The following SPC25 variants were observed in gnomAD, a reference collection of about 807,000 sequenced individuals.
The protein encoded by SPC25 is SPC25 component of NDC80 kinetochore complex.
In SPC25, 22 loss-of-function variants were observed where a neutral mutation model predicts 29.6. The observed-to-expected ratio is 0.74, with a 90% CI of 0.53 to 1.06. The LOEUF (loss-of-function observed/expected upper bound fraction) is 1.06, where lower values mean the gene tolerates loss of function less well. SPC25 is among the 50% of genes least tolerant of loss of function. The pLI, the probability that SPC25 is intolerant of heterozygous loss-of-function variation, is 0.00. For missense variants in SPC25, 230 were observed against 255.8 expected, an observed-to-expected ratio of 0.90 and a Z score of 0.69; for synonymous variants, 91 against 90.4, an observed-to-expected ratio of 1.01 and a Z score of -0.04.
At chr2:168,887,316 G>A (rs796853299) in intron 3 of SPC25, among the ~76,000 whole-genome samples, 4 of 152,126 alleles carry the variant, frequency 2.6e-5, no homozygotes, top group African/African-American at 9.6e-5. Context: ...CAGCTACTTG[G>A]GAGGCTGAGG....
At chr2:168,868,100 G>A (rs1689902491), downstream of SPC25, among the ~76,000 whole-genome samples, 1 of 152,160 alleles carries the variant, frequency 6.6e-6, no homozygotes, top group Non-Finnish European at 1.5e-5. Flanking sequence ...GCTCCTGAAT[G>A]ACTACTGGGT....
rs117669319 is a variant in SPC25 at position 168,873,439 on chromosome 2, G to A, written c.550+146C>T. On this transcript the variant is annotated intron_variant, in intron 6 of 6. Coordinates refer to ENST00000282074, the MANE Select transcript of SPC25 (RefSeq NM_020675.4). The stretch of plus-strand genomic sequence containing the variant: ...ATCAAGACTATATTCACTTCCTTTA[G>A]AAGACTATACTCCAAGAAGCAAGAC... 1.3e-3 allele frequency: 708 copies of A among 557,744 alleles called. 17 individuals are homozygous for A. The East Asian group carries it at 0.02, about 15-fold the overall frequency. The allele number at this position is 557,744 out of a possible 1,614,324, so 34.5% of individuals were successfully genotyped here.
At chr2:168,882,459 G>A (rs1411345273) in intron 3 of SPC25, among the ~76,000 whole-genome samples, 2 of 152,224 alleles carry the variant, frequency 1.3e-5, no homozygotes, top group Non-Finnish European at 2.9e-5. Flanking sequence ...ACAAAAATGA[G>A]CTGGGCGTGG....
In SPC25 at chr2:168,871,469, T is replaced by A; in HGVS notation, c.637A>T (p.Asn213Tyr). 1.2e-6 allele frequency: 2 copies of A among 1,610,682 alleles called. No individual in the cohort carries two copies. The highest frequency in any genetic ancestry group is 8.5e-7 in the Non-Finnish European group (1 of 1,178,666). The change falls in exon 7 of 7, where the codon AAT becomes TAT. Residue 213 changes from asparagine (N) to tyrosine (Y), a missense_variant. By Grantham distance (143) the Asn-to-Tyr change is moderately radical. Transcript: ENST00000282074. Reference protein sequence around the residue: ...KTNNFSAFLANVRKAFTATVY... With the variant: ...KTNNFSAFLAYVRKAFTATVY... ...GTGGCAGTAAAAGCTTTCCGAACATTGGCAAGAAAAGCTGAAAAATTGTTG... is the reference window on the plus strand; with the variant it reads ...GTGGCAGTAAAAGCTTTCCGAACATAGGCAAGAAAAGCTGAAAAATTGTTG...
chr2:168,877,293 T>A lies in SPC25; in HGVS notation c.291A>T (p.Glu97Asp). The A allele has an allele frequency of 6.2e-7, 1 of 1,613,816 alleles. No individual in the cohort carries two copies. Residue 97 changes from glutamate (E) to aspartate (D), a missense_variant, in exon 4 of 7, where the codon GAA becomes GAT. Transcript: ENST00000282074. The part of the protein sequence containing the change: ...AEVKGKKQEL[E>D]VLTANIQDLK... Reference sequence around the variant, plus strand: ...GATCCTGGATATTTGCAGTCAGTACTTCCAATTCCTGCTTTTTGCCTTTTA... The same window carrying A: ...GATCCTGGATATTTGCAGTCAGTACATCCAATTCCTGCTTTTTGCCTTTTA...
chr2:168,867,701 A>C (rs1689892769), downstream of SPC25, among the ~76,000 whole-genome samples: 1 of 152,266 alleles, frequency 6.6e-6, no homozygotes, highest in Non-Finnish European at 1.5e-5. Flanking sequence ...CTAAATATAT[A>C]TGCACCCAAT....
intron 3 of SPC25, among the ~76,000 whole-genome samples, chr2:168,879,861 T>C (rs373114899): frequency 6.6e-6 from 1 of 152,130 alleles, no homozygotes; most frequent in Non-Finnish European, 1.5e-5. Context: ...ACAACACTAA[T>C]CTCCATCAGC....
In SPC25 at chr2:168,864,116, T is replaced by C. The variant is rs188178671; in HGVS notation, n.419+9469A>G. Among the ~76,000 whole-genome samples the C allele has an allele frequency of 6.9e-3, 1,041 of 151,846 alleles. 13 individuals carry two copies. The highest frequency in any genetic ancestry group is 0.015 in the South Asian group (72 of 4,794). ...CCAAATAGCTGGGACTACAGGCGTG[T>C]GCCACCATGCCTGGCTAATTTTTGT... is the stretch of plus-strand genomic sequence containing the variant. On this transcript the variant is annotated intron_variant and non_coding_transcript_variant, in intron 4 of 4. Coordinates refer to the SPC25 transcript ENST00000479309.
At chr2:168,863,702 A>G in intron 4 of SPC25, 1 of 962,140 alleles carries the variant, frequency 1.0e-6, no homozygotes, top group African/African-American at 1.8e-5. Flanking sequence ...CTGTGAAATC[A>G]GGGATAATGC....
chr2:168,890,095 G>A (rs1197417959), intron 1 of SPC25, among the ~76,000 whole-genome samples: 1 of 152,114 alleles, frequency 6.6e-6, no homozygotes, highest in Non-Finnish European at 1.5e-5. Context: ...AGTACTCTGC[G>A]ACGCTAAAAC....
chr2:168,863,068 T>G (rs1187360074), intron 4 of SPC25, among the ~76,000 whole-genome samples: 2 of 152,154 alleles, frequency 1.3e-5, no homozygotes, highest in Non-Finnish European at 2.9e-5. Flanking sequence ...AACCCATGGA[T>G]GCAGCATTTA....
At chr2:168,869,983 A>T (rs1025671505), downstream of SPC25, among the ~76,000 whole-genome samples, 2 of 152,216 alleles carry the variant, frequency 1.3e-5, no homozygotes, top group African/African-American at 4.8e-5. Context: ...TAACCAAAAC[A>T]GCATGGTACT....
chr2:168,861,863 G>T, intron 4 of SPC25: 5 of 1,088,660 alleles, frequency 4.6e-6, no homozygotes, highest in Non-Finnish European at 6.8e-6. Context: ...TTAATATATT[G>T]AAACTCTGCA....
chr2:168,869,518 G>A (rs1689938101), downstream of SPC25, among the ~76,000 whole-genome samples: 2 of 152,148 alleles, frequency 1.3e-5, no homozygotes, highest in South Asian at 2.1e-4. Context: ...CTCTCAGGAT[G>A]CAAAATCAAT....
rs1689966973 is a variant in SPC25 at position 168,870,903 on chromosome 2, C to T, written c.*528G>A. ...AATCATGCTGCTATAAAGACACATGCACACGTATGTTTATTTCGGCACTAT... is the reference window on the plus strand; with the variant it reads ...AATCATGCTGCTATAAAGACACATGTACACGTATGTTTATTTCGGCACTAT... On this transcript the variant is annotated 3_prime_UTR_variant, in exon 7 of 7. Transcript: ENST00000282074. 1 of 151,566 alleles carries T rather than the reference C, an allele frequency of 6.6e-6. No individual in the cohort carries two copies. Among genetic ancestry groups the T allele is most frequent in the Non-Finnish European group, 1.5e-5 (1 of 68,050 alleles). 9.4% of individuals were successfully genotyped at this position (151,566 alleles called of 1,614,324 possible). A position where few individuals can be genotyped will look rare whatever the true frequency, so the allele number is the denominator to read the frequency against.
In SPC25 at chr2:168,888,955, G is replaced by GTATATA. The variant is rs1449001530; in HGVS notation, c.199+270_199+271insTATATA. 8.1e-4 allele frequency among the ~76,000 whole-genome samples: 48 copies of GTATATA among 59,320 alleles called. 4 individuals are homozygous for GTATATA. The highest frequency in any genetic ancestry group is 2.8e-3 in the African/African-American group (36 of 12,656). 38.9% of individuals were successfully genotyped at this position (59,320 alleles called of 152,430 possible). A position where few individuals can be genotyped will look rare whatever the true frequency, so the allele number is the denominator to read the frequency against. On this transcript the variant is annotated intron_variant, in intron 3 of 6. Coordinates refer to ENST00000282074, the MANE Select transcript of SPC25 (RefSeq NM_020675.4). ...TGTGTGTGTGTGTGTGTGTGTGTGT[G>GTATATA]TGTATATATATATATATACACACAC... is the stretch of plus-strand genomic sequence containing the variant.
intron 4 of SPC25, among the ~76,000 whole-genome samples, chr2:168,865,825 A>G (rs554129197): frequency 2.0e-4 from 31 of 152,328 alleles, no homozygotes; most frequent in Admixed American, 1.2e-3. Context: ...ATATACACCA[A>G]TAACAGACAA....
rs1553539536 is a variant in SPC25, at chr2:168,889,036, T to TATATATAC, written c.199+189_199+190insGTATATAT. On this transcript the variant is annotated intron_variant, in intron 3 of 6. Transcript: ENST00000282074. ...GTATATATATACACATATATATACATATATATATACACATATATATACATA... is the reference window on the plus strand; with the variant it reads ...GTATATATATACACATATATATACATATATATACATATATATACACATATATATACATA... Among the ~76,000 whole-genome samples, 87 of 74,968 alleles carry TATATATAC rather than the reference T, an allele frequency of 1.2e-3. 4 individuals carry two copies. Among genetic ancestry groups the TATATATAC allele is most frequent in the African/African-American group, 5.0e-3 (84 of 16,654 alleles). The allele number at this position is 74,968 out of a possible 152,430, so 49.2% of individuals were successfully genotyped here. A position where few individuals can be genotyped will look rare whatever the true frequency, so the allele number is the denominator to read the frequency against.
chr2:168,864,957 C>A, intron 4 of SPC25: 1 of 1,614,008 alleles, frequency 6.2e-7, no homozygotes, highest in Non-Finnish European at 8.5e-7. Flanking sequence ...GGCAACACAG[C>A]TACAAAGGCA....
Sources: gnomAD v4.1 joint callset for allele counts (sites outside exome capture counted in the v4.1 genomes callset) on GRCh38, gnomAD v4.1.1 for gene constraint, MANE v1.5 for transcripts, NCBI Gene and HGNC (gene_info 2026-07-23, HGNC 2026-07-21) for gene names.